SV2C: variants seen among roughly 807,000 people sequenced by gnomAD.
SV2C encodes synaptic vesicle glycoprotein 2C.
SV2C carries 49 observed loss-of-function variants against 79.7 expected under a neutral mutation model. The ratio of observed to expected loss-of-function variants is 0.61; its 90% confidence interval spans 0.49 to 0.78. The LOEUF (loss-of-function observed/expected upper bound fraction) is 0.78. Ranked by LOEUF, SV2C falls within the 30% of genes least tolerant of loss-of-function variation. The probability of loss-of-function intolerance (pLI) is 0.00; values close to 1 mark genes in which losing one functional copy is unlikely to be tolerated. For missense variants in SV2C, 833 were observed against 912.9 expected (o/e 0.91, Z 1.13); for synonymous variants, 334 against 333.2 (o/e 1.00, Z -0.03).
At chr5:76,317,997 CA>C in intron 12 of SV2C, among the ~76,000 whole-genome samples, 1 of 151,720 alleles carries the variant, frequency 6.6e-6, no homozygotes, top group Non-Finnish European at 1.5e-5. Flanking sequence ...CTAGGAGCCT[CA>C]AAAAAAACCC....
At chr5:76,185,296 G>T (rs1180258198) in intron 2 of SV2C, among the ~76,000 whole-genome samples, 1 of 152,244 alleles carries the variant, frequency 6.6e-6, no homozygotes, top group Non-Finnish European at 1.5e-5. Flanking sequence ...CATGGTGCAA[G>T]CTGTTGGCAG....
chr5:75,987,556 TA>T, the SV2C span, among the ~76,000 whole-genome samples: 1 of 151,962 alleles, frequency 6.6e-6, no homozygotes, highest in Non-Finnish European at 1.5e-5. Context: ...GATTTCTTCT[TA>T]TGTGAAGAAA....
chr5:76,279,361 G>A (rs557157891), intron 4 of SV2C, among the ~76,000 whole-genome samples: 1 of 152,316 alleles, frequency 6.6e-6, no homozygotes, highest in South Asian at 2.1e-4. Context: ...CCTAGAAAGG[G>A]CCTGTGGAGA....
intron 12 of SV2C, among the ~76,000 whole-genome samples, chr5:76,347,539 G>T (rs904047745): frequency 2.6e-5 from 4 of 152,156 alleles, no homozygotes; most frequent in Admixed American, 1.3e-4. Flanking sequence ...CCACTTCCCA[G>T]GTTCAAGCAA....
intron 3 of SV2C, among the ~76,000 whole-genome samples, chr5:76,201,071 A>G (rs1238526887): frequency 6.6e-6 from 1 of 152,242 alleles, no homozygotes; most frequent in Non-Finnish European, 1.5e-5. Flanking sequence ...TCCAGCTGAC[A>G]TATTGTATAT....
the SV2C span, among the ~76,000 whole-genome samples, chr5:76,040,790 T>C: frequency 1.3e-5 from 2 of 152,232 alleles, no homozygotes; most frequent in East Asian, 3.8e-4. Context: ...CAGTGCTGGC[T>C]ACCTTGAGTA....
Position 76,132,265 on chromosome 5 carries a change from T to C in SV2C, c.515T>C (p.Val172Ala). Residue 172 changes from valine to alanine, a missense_variant, in exon 2 of 13, where the codon GTT (valine) becomes GCT (alanine). Val to Ala is a moderately conservative substitution (Grantham distance 64). Coordinates refer to ENST00000502798, the MANE Select transcript of SV2C (RefSeq NM_014979.4). ...GCAGACGGTGTAGAGGTGTTTGTCGTTGGCTTCGTGTTACCCAGTGCTGAG... is the reference window on the plus strand; with the variant it reads ...GCAGACGGTGTAGAGGTGTTTGTCGCTGGCTTCGTGTTACCCAGTGCTGAG... Reference protein sequence around the residue: ...LMADGVEVFVVGFVLPSAETD... With the variant: ...LMADGVEVFVAGFVLPSAETD... 1 of 1,614,122 alleles carries C rather than the reference T, an allele frequency of 6.2e-7. No homozygotes were observed. The highest frequency in any genetic ancestry group is 8.5e-7 in the Non-Finnish European group (1 of 1,180,000).
chr5:76,108,364 A>C (rs1321630006), intron 1 of SV2C, among the ~76,000 whole-genome samples: 1 of 152,230 alleles, frequency 6.6e-6, no homozygotes, highest in Admixed American at 6.5e-5. Flanking sequence ...CTCTAGGGAT[A>C]AAAGAGGACA....
the SV2C span, among the ~76,000 whole-genome samples, chr5:75,941,582 G>A: frequency 8.5e-5 from 13 of 152,178 alleles, no homozygotes; most frequent in African/African-American, 3.1e-4. Flanking sequence ...TAGGTATATG[G>A]CTGTCCAGCT....
chr5:76,035,037 G>A, the SV2C span, among the ~76,000 whole-genome samples: 2 of 152,170 alleles, frequency 1.3e-5, no homozygotes, highest in Non-Finnish European at 2.9e-5. Flanking sequence ...TATTTGCGTA[G>A]AGGTGTTTGT....
intron 3 of SV2C, among the ~76,000 whole-genome samples, chr5:76,208,470 T>G (rs1426302221): frequency 1.3e-5 from 2 of 152,206 alleles, no homozygotes; most frequent in African/African-American, 4.8e-5. Flanking sequence ...TGGTGCCATA[T>G]TTTCACCTAC....
chr5:76,120,094 A>G (rs1748428200), intron 1 of SV2C, among the ~76,000 whole-genome samples: 1 of 152,212 alleles, frequency 6.6e-6, no homozygotes, highest in South Asian at 2.1e-4. Flanking sequence ...CAATGTATAC[A>G]TGTATCAAAA....
chr5:75,943,274 C>T, the SV2C span, among the ~76,000 whole-genome samples: 3 of 152,172 alleles, frequency 2.0e-5, no homozygotes, highest in East Asian at 5.8e-4. Flanking sequence ...AAACTGGCAA[C>T]TGGCTTTTAA....
chr5:76,091,298 C>A (rs1249382080), intron 1 of SV2C, among the ~76,000 whole-genome samples: 1 of 152,238 alleles, frequency 6.6e-6, no homozygotes, highest in Non-Finnish European at 1.5e-5. Context: ...CAACCATAAT[C>A]ACTTCTGTGG....
chr5:76,145,809 T>A (rs1378595737), intron 2 of SV2C, among the ~76,000 whole-genome samples: 3 of 152,194 alleles, frequency 2.0e-5, no homozygotes, highest in Non-Finnish European at 4.4e-5. Flanking sequence ...ATTGTCAAGA[T>A]AGGTGGGACA....
In SV2C at chr5:76,171,450, G is replaced by C. The variant is rs1210094495; in HGVS notation, c.581-23469G>C. On this transcript the variant is annotated intron_variant, in intron 2 of 12. Coordinates refer to ENST00000502798, the MANE Select transcript of SV2C (RefSeq NM_014979.4). ...GGCCGAGACCCCGTCTGGGAGGTGA[G>C]GAGCGTCTCTGCCCGGCTGCCCCGT... Among the ~76,000 whole-genome samples, 126 of 115,604 alleles carry C rather than the reference G, an allele frequency of 1.1e-3. 1 individual carries two copies. The highest frequency in any genetic ancestry group is 6.3e-4 in the Non-Finnish European group (32 of 51,056). The allele number at this position is 115,604 out of a possible 152,430, so 75.8% of individuals were successfully genotyped here.
At chr5:76,186,729 C>G (rs114823969) in intron 2 of SV2C, among the ~76,000 whole-genome samples, 5,265 of 151,046 alleles carry the variant, frequency 0.035, 138 homozygotes, top group South Asian at 0.086. Flanking sequence ...ACTCGCAGTT[C>G]CACAGGGATG....
rs563683051 is a variant in SV2C, at chr5:76,286,542, C to A, written c.1137+672C>A. ...ATTATTTATTGAAAACAAAAAAAAACCAGTATCTAATAAGTGAGAAAACAA... is the reference window on the plus strand; with the variant it reads ...ATTATTTATTGAAAACAAAAAAAAAACAGTATCTAATAAGTGAGAAAACAA... On this transcript the variant is annotated intron_variant, in intron 6 of 12. Coordinates refer to ENST00000502798, the MANE Select transcript of SV2C (RefSeq NM_014979.4). Among the ~76,000 whole-genome samples, 396 of 151,936 alleles carry A rather than the reference C, an allele frequency of 2.6e-3. 1 individual carries two copies. The highest frequency in any genetic ancestry group is 8.2e-3 in the African/African-American group (338 of 41,438).
intron 12 of SV2C, among the ~76,000 whole-genome samples, chr5:76,346,991 G>A (rs1749557141): frequency 6.6e-6 from 1 of 152,182 alleles, no homozygotes; most frequent in Non-Finnish European, 1.5e-5. Context: ...CTAAGAGAGA[G>A]ATTAAACTGC....
Sources: gnomAD v4.1 joint callset for allele counts (sites outside exome capture counted in the v4.1 genomes callset) on GRCh38, gnomAD v4.1.1 for gene constraint, MANE v1.5 for transcripts, NCBI Gene and HGNC (gene_info 2026-07-23, HGNC 2026-07-21) for gene names.